FNIP1: variants seen among roughly 807,000 people sequenced by gnomAD.
The protein encoded by FNIP1 is folliculin-interacting protein 1.
Under a neutral mutation model 124.5 loss-of-function variants are expected in FNIP1, and 40 were observed. That is an observed-to-expected ratio of 0.32 (90% CI 0.25 to 0.42). The LOEUF is 0.42. FNIP1 is among the 10% of genes least tolerant of loss of function. FNIP1 has a pLI of 1.00. For missense variants in FNIP1, 1,176 were observed against 1,403.7 expected, an observed-to-expected ratio of 0.84 and a Z score of 2.59; for synonymous variants, 472 against 470.6, an observed-to-expected ratio of 1.00 and a Z score of -0.04.
chr5:131,728,764 T>C (rs927480492), intron 3 of FNIP1, among the ~76,000 whole-genome samples: 1 of 152,180 alleles, frequency 6.6e-6, no homozygotes, highest in African/African-American at 2.4e-5. Flanking sequence ...GGAGAGGCAT[T>C]CTGGTGTTTG....
At chr5:131,646,349 A>G (rs1766880322) in intron 17 of FNIP1, among the ~76,000 whole-genome samples, 1 of 152,224 alleles carries the variant, frequency 6.6e-6, no homozygotes, top group Non-Finnish European at 1.5e-5. Context: ...ACACTGCAGG[A>G]TGATAGTAAG....
intron 15 of FNIP1, among the ~76,000 whole-genome samples, chr5:131,656,033 T>C (rs1249283140): frequency 3.3e-5 from 5 of 151,954 alleles, no homozygotes; most frequent in African/African-American, 1.2e-4. Flanking sequence ...GACTGCACCA[T>C]TGCACTCCAG....
At chr5:131,754,899 T>C (rs1334137327) in intron 1 of FNIP1, among the ~76,000 whole-genome samples, 1 of 152,196 alleles carries the variant, frequency 6.6e-6, no homozygotes, top group Non-Finnish European at 1.5e-5. Context: ...TAGAAAGGGA[T>C]AGAGCTAGAT....
chr5:131,765,917 TCTTC>T (rs1193175341), intron 1 of FNIP1, among the ~76,000 whole-genome samples: 1 of 152,224 alleles, frequency 6.6e-6, no homozygotes, highest in Non-Finnish European at 1.5e-5. Flanking sequence ...TAATCTTACA[TCTTC>T]TTTGCCAAGT....
intron 1 of FNIP1, among the ~76,000 whole-genome samples, chr5:131,754,424 A>C (rs1013409744): frequency 6.6e-6 from 1 of 152,272 alleles, no homozygotes; most frequent in Non-Finnish European, 1.5e-5. Context: ...TAACCTGCCC[A>C]AAATAACACA....
chr5:131,754,333 T>C (rs1232763747), intron 1 of FNIP1, among the ~76,000 whole-genome samples: 1 of 152,138 alleles, frequency 6.6e-6, no homozygotes, highest in Non-Finnish European at 1.5e-5. Context: ...AAACTTACAA[T>C]CTAGATAAGA....
intron 1 of FNIP1, among the ~76,000 whole-genome samples, chr5:131,780,387 G>C (rs1157279809): frequency 6.6e-6 from 1 of 152,122 alleles, no homozygotes; most frequent in Non-Finnish European, 1.5e-5. Context: ...GGAGGAAAAA[G>C]GCACAGAACA....
rs1200961729 is a variant in FNIP1 at position 131,779,053 on chromosome 5, G to A, written c.92+17777C>T. 2.2e-5 allele frequency among the ~76,000 whole-genome samples: 3 copies of A among 135,648 alleles called. No homozygotes were observed. In the Admixed American group the frequency reaches 2.2e-4, roughly 10 times the overall value. The allele number at this position is 135,648 out of a possible 152,430, so 89.0% of individuals were successfully genotyped here. ...GGAGATATACCTAATGCTAGATGACGAGTTAGTGGGTGCAGCGCACCAGCA... is the reference window on the plus strand; with the variant it reads ...GGAGATATACCTAATGCTAGATGACAAGTTAGTGGGTGCAGCGCACCAGCA... On this transcript the variant is annotated intron_variant, in intron 1 of 17. Coordinates refer to ENST00000510461, the MANE Select transcript of FNIP1 (RefSeq NM_133372.3).
intron 11 of FNIP1, among the ~76,000 whole-genome samples, chr5:131,691,226 T>A (rs1344601825): frequency 6.6e-6 from 1 of 152,188 alleles, no homozygotes; most frequent in Admixed American, 6.5e-5. Context: ...ACTTGGAGAT[T>A]GAAAACATGC....
chr5:131,764,461 C>T (rs1771352440), intron 1 of FNIP1, among the ~76,000 whole-genome samples: 2 of 151,808 alleles, frequency 1.3e-5, no homozygotes, highest in South Asian at 4.2e-4. Flanking sequence ...TCCACCACCA[C>T]ACCTGGCTAA....
At chr5:131,773,601 G>C (rs896229309) in intron 1 of FNIP1, among the ~76,000 whole-genome samples, 3 of 152,174 alleles carry the variant, frequency 2.0e-5, no homozygotes, top group Non-Finnish European at 4.4e-5. Context: ...AGCTGATGTA[G>C]ATACCTAGAA....
At chr5:131,652,592 C>A (rs563394556) in intron 15 of FNIP1, among the ~76,000 whole-genome samples, 141 of 152,274 alleles carry the variant, frequency 9.3e-4, no homozygotes, top group Non-Finnish European at 1.6e-3. Flanking sequence ...CCACCCACCT[C>A]GGCCTCCCAA....
intron 15 of FNIP1, among the ~76,000 whole-genome samples, chr5:131,655,795 G>A (rs1767174423): frequency 6.6e-6 from 1 of 151,702 alleles, no homozygotes; most frequent in African/African-American, 2.4e-5. Context: ...GCAGGCGCCT[G>A]CAATCCCAGC....
chr5:131,791,426 C>G (rs1156310904), intron 1 of FNIP1, among the ~76,000 whole-genome samples: 2 of 152,048 alleles, frequency 1.3e-5, no homozygotes, highest in African/African-American at 4.8e-5. Flanking sequence ...AGGAAGTACA[C>G]AACATCTACA....
Position 131,672,559 on chromosome 5 carries a change from CTTG to C in FNIP1, c.1882_1884del (p.Gln628del), listed in dbSNP as rs749103548. ...GAGCTGTTTTGAATATCTTCTCTCT[CTTG>C]TTGTGAAATGTTCTCTACATTTTGC... is the stretch of plus-strand genomic sequence containing the variant. On this transcript the variant is annotated inframe_deletion, in exon 14 of 18. Coordinates refer to ENST00000510461, the MANE Select transcript of FNIP1 (RefSeq NM_133372.3). The C allele has an allele frequency of 6.2e-6, 10 of 1,614,078 alleles. No homozygotes were observed. The highest frequency in any genetic ancestry group is 7.6e-6 in the Non-Finnish European group (9 of 1,180,026).
intron 11 of FNIP1, among the ~76,000 whole-genome samples, chr5:131,688,135 C>T (rs1768346236): frequency 6.6e-6 from 1 of 151,830 alleles, no homozygotes; most frequent in South Asian, 2.1e-4. Context: ...TTTAAGATTA[C>T]AGAACATTTC....
chr5:131,647,124 G>C lies in FNIP1; in HGVS notation c.3388C>G (p.Arg1130Gly). 6.2e-7 allele frequency: 1 copy of C among 1,614,066 alleles called. No individual in the cohort carries two copies. The highest frequency in any genetic ancestry group is 2.2e-5 in the East Asian group (1 of 44,878). The stretch of plus-strand genomic sequence containing the variant: ...ACTCCCAGCTCCTTGACATGAACAC[G>C]CATCTGCCCCCTCAGGTATTCAGAC... ...MLSEYLRGQM[R>G]VHVKELGVVL... The change falls in exon 17 of 18, where the codon CGT becomes GGT. Residue 1130 changes from arginine to glycine, a missense_variant. Arg to Gly is a moderately radical substitution (Grantham distance 125, BLOSUM62 -2). This residue lies in a region of FNIP1 where 67 missense variants were observed against 115.2 expected (regional missense o/e 0.58). Transcript: ENST00000510461.
intron 1 of FNIP1, among the ~76,000 whole-genome samples, chr5:131,757,120 A>C (rs1005983280): frequency 1.3e-5 from 2 of 152,182 alleles, no homozygotes; most frequent in African/African-American, 4.8e-5. Flanking sequence ...AGGAAGTATA[A>C]AACAAACACA....
chr5:131,707,005 T>G (rs1175242429), intron 8 of FNIP1, among the ~76,000 whole-genome samples: 2 of 152,198 alleles, frequency 1.3e-5, no homozygotes. Context: ...GGATCACATG[T>G]GCACATGTAG....
Sources: gnomAD v4.1 joint callset for allele counts (sites outside exome capture counted in the v4.1 genomes callset) on GRCh38, gnomAD v4.1.1 for gene constraint, gnomAD v4.1.1 regional missense constraint, MANE v1.5 for transcripts, NCBI Gene and HGNC (gene_info 2026-07-23, HGNC 2026-07-21) for gene names.